Variants in CPNE8 observed in about 807,000 individuals in gnomAD.
CPNE8 encodes copine-8.
A neutral mutation model predicts 81.5 loss-of-function variants in CPNE8; 45 were observed. The observed-to-expected ratio is 0.55, with a 90% CI of 0.44 to 0.71. CPNE8 has a LOEUF of 0.71. CPNE8 is among the 30% of genes least tolerant of loss of function. The pLI is 0.00. For synonymous variants in CPNE8, 252 were observed against 226.3 expected, an observed-to-expected ratio of 1.11 and a Z score of -1.02; for missense variants, 594 against 672.1, an observed-to-expected ratio of 0.88 and a Z score of 1.28.
At chr12:38,733,473 C>T (rs11169295) in intron 10 of CPNE8, among the ~76,000 whole-genome samples, 3,476 of 151,916 alleles carry the variant, frequency 0.023, 65 homozygotes, top group East Asian at 0.092. Flanking sequence ...AGAAACGTGA[C>T]GAAAAATACT....
At chr12:38,874,345 AG>A in intron 2 of CPNE8, 125 bp downstream of exon 2, 1 of 679,966 alleles carries the variant, frequency 1.5e-6, no homozygotes, top group Non-Finnish European at 2.7e-6. Flanking sequence ...ATGAGTATGT[AG>A]GGCTTGGGAC....
chr12:38,672,516 C>T (rs960590080), intron 18 of CPNE8, among the ~76,000 whole-genome samples: 1 of 152,152 alleles, frequency 6.6e-6, no homozygotes, highest in African/African-American at 2.4e-5. Flanking sequence ...CCACCATTAC[C>T]TCTTCCTGGA....
At chr12:38,696,849 C>T (rs1475025272) in intron 14 of CPNE8, among the ~76,000 whole-genome samples, 1 of 152,080 alleles carries the variant, frequency 6.6e-6, no homozygotes, top group African/African-American at 2.4e-5. Context: ...AATTCGAGAC[C>T]AGCCTAGGCA....
intron 14 of CPNE8, 43 bp downstream of exon 14, chr12:38,702,832 T>TA: frequency 8.6e-7 from 1 of 1,157,188 alleles, no homozygotes; most frequent in Non-Finnish European, 1.2e-6. Context: ...ATTTTTCATG[T>TA]AATTGCTGAT....
chr12:38,656,846 A>G (rs1938832048), intron 19 of CPNE8, among the ~76,000 whole-genome samples: 1 of 152,184 alleles, frequency 6.6e-6, no homozygotes, highest in Admixed American at 6.5e-5. Flanking sequence ...AGACCAGAGA[A>G]TAGACACTGT....
intron 15 of CPNE8, among the ~76,000 whole-genome samples, chr12:38,688,206 A>G (rs1939578559): frequency 6.6e-6 from 1 of 152,192 alleles, no homozygotes; most frequent in Admixed American, 6.5e-5. Flanking sequence ...TCTGGAATTG[A>G]AACTACAAGG....
At chr12:38,701,824 C>T (rs112905754) in intron 14 of CPNE8, among the ~76,000 whole-genome samples, 3,362 of 152,138 alleles carry the variant, frequency 0.022, 95 homozygotes, top group South Asian at 0.13. Context: ...CTATATTATG[C>T]TGAATAAAAC....
chr12:38,657,659 C>T (rs147667493), intron 19 of CPNE8, among the ~76,000 whole-genome samples: 9,355 of 152,142 alleles, frequency 0.061, 387 homozygotes, highest in Non-Finnish European at 0.1. Flanking sequence ...CTGGGTGCCC[C>T]TCTGGGACGA....
At chr12:38,659,623 C>T (rs1017140924) in intron 19 of CPNE8, among the ~76,000 whole-genome samples, 1 of 152,166 alleles carries the variant, frequency 6.6e-6, no homozygotes, top group African/African-American at 2.4e-5. Context: ...CGCACGTATT[C>T]CAAAATTGAC....
chr12:38,862,484 G>A (rs796470432), intron 3 of CPNE8, among the ~76,000 whole-genome samples: 13 of 152,174 alleles, frequency 8.5e-5, no homozygotes, highest in African/African-American at 2.6e-4. Context: ...TTTTCTGTAC[G>A]CCCGACATAG....
intron 5 of CPNE8, among the ~76,000 whole-genome samples, chr12:38,830,761 T>C (rs924157183): frequency 6.6e-6 from 1 of 152,158 alleles, no homozygotes; most frequent in Non-Finnish European, 1.5e-5. Flanking sequence ...AGCCAACCTA[T>C]GGTGAGGAAC....
chr12:38,829,761 G>A (rs572461238), intron 5 of CPNE8, among the ~76,000 whole-genome samples: 1 of 152,228 alleles, frequency 6.6e-6, no homozygotes, highest in South Asian at 2.1e-4. Context: ...ATGCACAATT[G>A]GCTTAACTTC....
At chr12:38,727,325 C>A (rs1940726443) in intron 11 of CPNE8, among the ~76,000 whole-genome samples, 1 of 152,066 alleles carries the variant, frequency 6.6e-6, no homozygotes, top group Admixed American at 6.5e-5. Context: ...AGTTTAAAAG[C>A]CATTGGAGGG....
At chr12:38,819,766 C>CAAA (rs71068584) in intron 6 of CPNE8, among the ~76,000 whole-genome samples, 197 of 64,252 alleles carry the variant, frequency 3.1e-3, no homozygotes, top group Middle Eastern at 0.01. Flanking sequence ...GACTCCGTCT[C>CAAA]AAAAAAAAAA....
intron 6 of CPNE8, among the ~76,000 whole-genome samples, chr12:38,823,641 C>T (rs770456618): frequency 2.0e-5 from 3 of 152,134 alleles, no homozygotes; most frequent in South Asian, 4.1e-4. Context: ...TGCCTTTTTC[C>T]CTGATCCTTT....
rs117193647 is a variant in CPNE8, at chr12:38,896,485, T to C, written c.98+8952A>G. 9.9e-5 allele frequency among the ~76,000 whole-genome samples: 15 copies of C among 152,224 alleles called. No homozygotes were observed. The East Asian group carries it at 2.7e-3, about 27-fold the overall frequency. On this transcript the variant is annotated intron_variant, in intron 1 of 19. Transcript: ENST00000331366. ...ACAGGCAATAACTACTTGCCTTACCTCAGCCTGTATTGGCAACTACAGCAG... is the reference window on the plus strand; with the variant it reads ...ACAGGCAATAACTACTTGCCTTACCCCAGCCTGTATTGGCAACTACAGCAG...
At chr12:38,893,781 A>C (rs1451852824) in intron 1 of CPNE8, among the ~76,000 whole-genome samples, 1 of 152,248 alleles carries the variant, frequency 6.6e-6, no homozygotes, top group African/African-American at 2.4e-5. Context: ...ACTCAAAGAT[A>C]ATAAATAACT....
chr12:38,855,564 CCATGCACAA>C (rs1377662068), intron 3 of CPNE8, among the ~76,000 whole-genome samples: 5 of 152,020 alleles, frequency 3.3e-5, no homozygotes, highest in Non-Finnish European at 4.4e-5. Flanking sequence ...AGAAATAAAT[CCATGCACAA>C]CACAGAATGT....
In CPNE8 at chr12:38,829,440, C is replaced by A; in HGVS notation, c.346G>T (p.Val116Leu). 6.2e-7 allele frequency: 1 copy of A among 1,612,480 alleles called. No homozygotes were observed. The highest frequency in any genetic ancestry group is 8.5e-7 in the Non-Finnish European group (1 of 1,178,614). The change falls in exon 6 of 20, where the codon GTG (valine) becomes TTG (leucine). Residue 116 changes from valine (V) to leucine (L), a missense_variant. Transcript: ENST00000331366. ...ACGATCTCTCCCAATGTACAAAACACTTGTCCCAGAAAGTCCTGAAATAGA... is the reference window on the plus strand; with the variant it reads ...ACGATCTCTCCCAATGTACAAAACAATTGTCCCAGAAAGTCCTGAAATAGA... ...NLSKHDFLGQ[V>L]FCTLGEIVGS... is the part of the protein sequence containing the mutation.
Sources: gnomAD v4.1 joint callset for allele counts (sites outside exome capture counted in the v4.1 genomes callset) on GRCh38, gnomAD v4.1.1 for gene constraint, MANE v1.5 for transcripts, NCBI Gene and HGNC (gene_info 2026-07-23, HGNC 2026-07-21) for gene names.